The following TBC1D9B variants were observed in gnomAD, a reference collection of about 807,000 sequenced individuals.
The protein encoded by TBC1D9B is TBC1 domain family member 9B.
TBC1D9B carries 87 observed loss-of-function variants against 121.1 expected under a neutral mutation model. The ratio of observed to expected loss-of-function variants is 0.72; its 90% CI spans 0.60 to 0.86. The LOEUF is 0.86. Among genes scored for constraint, TBC1D9B ranks in the 40% least tolerant of loss-of-function variants. The pLI, the probability that TBC1D9B is intolerant of heterozygous loss-of-function variation, is 0.00. For missense variants in TBC1D9B, 1,540 were observed against 1,628.6 expected (o/e 0.95, Z 0.94); for synonymous variants, 668 against 670.1 (o/e 1.00, Z 0.05).
rs1346076700 is a variant in TBC1D9B, at chr5:179,867,783, G to A, written c.2858C>T (p.Ser953Leu). ...AAHYFTEDSS[S>L]EEALPQEEQE... ...GTGTTCCAGTGGCCGCTCACCTTCT[G>A]AGGAGCTGTCCTCTGTGAAATAATG... Residue 953 changes from serine to leucine, a missense_variant, in exon 18 of 21, where the codon TCA becomes TTA. Transcript: ENST00000355235. 2 of 1,574,712 alleles carry A rather than the reference G, an allele frequency of 1.3e-6. No individual in the cohort carries two copies.
chr5:179,893,421 G>A lies in TBC1D9B; in HGVS notation c.624C>T (p.Asn208=), dbSNP rs1561646052. 6.8e-6 allele frequency: 11 copies of A among 1,613,728 alleles called. No individual in the cohort carries two copies. The highest frequency in any genetic ancestry group is 2.2e-5 in the East Asian group (1 of 44,870). Residue 208 remains asparagine (N), a synonymous_variant, in exon 5 of 21, where the codon AAC becomes AAT. Transcript: ENST00000355235. ...QWVDITRLEK[N]ATLLFPESIR... ...TGCTCTCGGGGAAGAGCAGGGTGGC[G>A]TTCTTCTCCAGACGCGTTATGTCCA...
Position 179,865,728 on chromosome 5 carries a change from G to T in TBC1D9B, c.2914+110C>A, listed in dbSNP as rs1021774627. 3.2e-6 allele frequency: 4 copies of T among 1,245,318 alleles called. No homozygotes were observed. Among genetic ancestry groups the T allele is most frequent in the African/African-American group, 1.5e-5 (1 of 66,352 alleles). The allele number at this position is 1,245,318 out of a possible 1,614,324, so 77.1% of individuals were successfully genotyped here. On this transcript the variant is annotated intron_variant, in intron 19 of 20. Transcript: ENST00000355235. This position sits in a 1 kb window ranked among gnomAD's most constrained non-coding sequence, Gnocchi z 5.1. ...TGCTCCCTGATCGGGGGACGCATCC[G>T]CCATCTCCCGGGGTAGGGGGCTCCC...
rs1178332277 is a variant in TBC1D9B, at chr5:179,876,034, T to C, written c.1786A>G (p.Met596Val). 1.2e-6 allele frequency: 2 copies of C among 1,612,188 alleles called. No homozygotes were observed. Among genetic ancestry groups the C allele is most frequent in the East Asian group, 2.2e-5 (1 of 44,772 alleles). Residue 596 changes from methionine to valine, a missense_variant, in exon 11 of 21, where the codon ATG becomes GTG. Physicochemically the swap from Met to Val is conservative, Grantham distance 21. Coordinates refer to ENST00000355235, the MANE Select transcript of TBC1D9B (RefSeq NM_015043.4). ...AGGAGCACCGAGGTCACGATGTTCATTGCCTGCCGGGCACAGAGACAGCCG... is the reference window on the plus strand; with the variant it reads ...AGGAGCACCGAGGTCACGATGTTCACTGCCTGCCGGGCACAGAGACAGCCG... ...RNPTIGYCQA[M>V]NIVTSVLLLY...
chr5:179,905,718 C>T (rs1035935180), intron 1 of TBC1D9B, among the ~76,000 whole-genome samples: 3 of 152,196 alleles, frequency 2.0e-5, no homozygotes, highest in Non-Finnish European at 4.4e-5. Flanking sequence ...ATTGAATTAT[C>T]GAGCAATCTA....
chr5:179,866,889 GGT>G (rs1760028392), intron 18 of TBC1D9B: 1 of 153,840 alleles, frequency 6.5e-6, no homozygotes, highest in Non-Finnish European at 1.4e-5. Flanking sequence ...GTGGCATTAT[GGT>G]CGGTTTTGCA....
At position 179,907,665 on chromosome 5, in the gene TBC1D9B, C is replaced by G; in HGVS notation, c.118+39G>C. 7 of 964,142 alleles carry G rather than the reference C, an allele frequency of 7.3e-6. No homozygotes were observed. Among genetic ancestry groups the G allele is most frequent in the Non-Finnish European group, 7.4e-6 (6 of 810,844 alleles). The allele number at this position is 964,142 out of a possible 1,614,324, so 59.7% of individuals were successfully genotyped here. Reference sequence around the variant, plus strand: ...CCGCCAGCCCCGCCGCCAGCCCAGCCGCGGCGCCCACAGGCCCGGCCGCCC... The same window carrying G: ...CCGCCAGCCCCGCCGCCAGCCCAGCGGCGGCGCCCACAGGCCCGGCCGCCC... On this transcript the variant is annotated intron_variant, in intron 1 of 20. Coordinates refer to ENST00000355235, the MANE Select transcript of TBC1D9B (RefSeq NM_015043.4). The surrounding 1 kb of genome is among the most constrained non-coding windows in gnomAD (Gnocchi z 5.3).
chr5:179,870,387 G>A lies in TBC1D9B; in HGVS notation c.2593C>T (p.Arg865Trp), dbSNP rs775027882. 1.8e-5 allele frequency: 29 copies of A among 1,613,770 alleles called. No individual in the cohort carries two copies. The highest frequency in any genetic ancestry group is 1.6e-4 in the Middle Eastern group (1 of 6,062). The change falls in exon 16 of 21, where the codon CGG becomes TGG. Residue 865 changes from arginine to tryptophan, a missense_variant. Arg to Trp is a moderately radical substitution (Grantham distance 101). Transcript: ENST00000355235. ...EQYRIDASQFRELFASLTPWA... is the reference protein window; with the variant it reads ...EQYRIDASQFWELFASLTPWA... ...GGTGTCAGGCTGGCAAAGAGTTCCC[G>A]GAACTGGCTGGCATCAATCCGGTAC...
chr5:179,904,845 G>A lies in TBC1D9B; in HGVS notation c.119-33C>T, dbSNP rs1428446158. The A allele has an allele frequency of 2.0e-6, 3 of 1,511,508 alleles. No individual in the cohort carries two copies. Among genetic ancestry groups the A allele is most frequent in the Admixed American group, 4.2e-5 (2 of 47,978 alleles). The allele number at this position is 1,511,508 out of a possible 1,614,324, so 93.6% of individuals were successfully genotyped here. On this transcript the variant is annotated intron_variant, in intron 1 of 20. Transcript: ENST00000355235. This position sits in a 1 kb window ranked among gnomAD's most constrained non-coding sequence, Gnocchi z 4.2. ...CAGGGCAGAGAGACATAGAGGGTGA[G>A]GGGAGGGCCGGACTGAGGCCCCTGA...
chr5:179,879,379 G>A, intron 8 of TBC1D9B, 182 bp from the exon 9 acceptor site: 13 of 1,091,316 alleles, frequency 1.2e-5, no homozygotes, highest in Non-Finnish European at 1.7e-5. Flanking sequence ...CAGGAGACCA[G>A]CTCCTCAGCG....
intron 9 of TBC1D9B, 66 bp downstream of exon 9, chr5:179,878,981 T>A: frequency 6.4e-7 from 1 of 1,561,768 alleles, no homozygotes; most frequent in South Asian, 1.2e-5. Context: ...ACAGACGAGC[T>A]CACACGGGGA....
At position 179,907,888 on chromosome 5, in the gene TBC1D9B, A is replaced by G. The variant is rs1198275423; in HGVS notation, c.-67T>C. ...GCGCCCGCCGCCGTCGGCGTCCCGG[A>G]GCGGAGCGTGCGGAGCGGAGCGTGC... On this transcript the variant is annotated 5_prime_UTR_variant, in exon 1 of 21. Coordinates refer to ENST00000355235, the MANE Select transcript of TBC1D9B (RefSeq NM_015043.4). The surrounding 1 kb of genome is among the most constrained non-coding windows in gnomAD (Gnocchi z 5.3). 7 of 914,118 alleles carry G rather than the reference A, an allele frequency of 7.7e-6. No individual in the cohort carries two copies. The highest frequency in any genetic ancestry group is 4.2e-5 in the South Asian group (1 of 23,908). The allele number at this position is 914,118 out of a possible 1,614,324, so 56.6% of individuals were successfully genotyped here. A position where few individuals can be genotyped will look rare whatever the true frequency, so the allele number is the denominator to read the frequency against.
rs1487223957 is a variant in TBC1D9B, at chr5:179,907,844, C to T, written c.-23G>A. On this transcript the variant is annotated 5_prime_UTR_variant, in exon 1 of 21. Coordinates refer to ENST00000355235, the MANE Select transcript of TBC1D9B (RefSeq NM_015043.4). This position sits in a 1 kb window ranked among gnomAD's most constrained non-coding sequence, Gnocchi z 5.3. The stretch of plus-strand genomic sequence containing the variant: ...CATCGCGGAGCCGCTCGCACCGGGC[C>T]GAGGCCCGCGAGACGGAAGCGCCCG... The T allele has an allele frequency of 9.3e-7, 1 of 1,070,438 alleles. No homozygotes were observed. 66.3% of individuals were successfully genotyped at this position (1,070,438 alleles called of 1,614,324 possible).
In TBC1D9B at chr5:179,863,632, C is replaced by T; in HGVS notation, c.3518G>A (p.Gly1173Asp). 6.2e-7 allele frequency: 1 copy of T among 1,613,848 alleles called. No homozygotes were observed. ...GATGCACCAGTCGGTGTCGACGGTGCCGCCGATGCGCGCTGTGGGGCTGCA... is the reference window on the plus strand; with the variant it reads ...GATGCACCAGTCGGTGTCGACGGTGTCGCCGATGCGCGCTGTGGGGCTGCA... The part of the protein sequence containing the change: ...EACSPTARIG[G>D]TVDTDWCISF... Residue 1173 changes from glycine (G) to aspartate (D), a missense_variant, in exon 21 of 21, where the codon GGC becomes GAC. Coordinates refer to ENST00000355235, the MANE Select transcript of TBC1D9B (RefSeq NM_015043.4). This position sits in a 1 kb window ranked among gnomAD's most constrained non-coding sequence, Gnocchi z 4.5.
In TBC1D9B at chr5:179,891,096, C is replaced by T. The variant is rs901923775; in HGVS notation, c.1044+283G>A. ...AGAAGGCAGGCCTGATGGAAACTCA[C>T]GCGTGGGAGACCCTGTCTCCACTAG... is the stretch of plus-strand genomic sequence containing the variant. On this transcript the variant is annotated intron_variant, in intron 6 of 20. Transcript: ENST00000355235. The surrounding 1 kb of genome is among the most constrained non-coding windows in gnomAD (Gnocchi z 4.3). 2.6e-5 allele frequency among the ~76,000 whole-genome samples: 4 copies of T among 152,220 alleles called. No homozygotes were observed. Among genetic ancestry groups the T allele is most frequent in the African/African-American group, 9.6e-5 (4 of 41,454 alleles).
chr5:179,895,610 C>A (rs899627014), intron 3 of TBC1D9B, among the ~76,000 whole-genome samples: 1 of 152,206 alleles, frequency 6.6e-6, no homozygotes, highest in African/African-American at 2.4e-5. Flanking sequence ...AGAGCCAGCC[C>A]CAAGCCTCCT....
Position 179,875,875 on chromosome 5 carries a change from C to T in TBC1D9B, c.1900+45G>A. 9 of 1,492,444 alleles carry T rather than the reference C, an allele frequency of 6.0e-6. No homozygotes were observed. Among genetic ancestry groups the T allele is most frequent in the Non-Finnish European group, 7.2e-6 (8 of 1,105,488 alleles). The allele number at this position is 1,492,444 out of a possible 1,614,324, so 92.5% of individuals were successfully genotyped here. ...AGGGCTGCCACCCTCATGGAACCAG[C>T]AGGCACCTGGAGACCCAGGCGAGGC... On this transcript the variant is annotated intron_variant, in intron 11 of 20. Transcript: ENST00000355235. The surrounding 1 kb of genome is among the most constrained non-coding windows in gnomAD (Gnocchi z 4.5).
Position 179,869,944 on chromosome 5 carries a change from G to A in TBC1D9B, c.2726-110C>T, listed in dbSNP as rs1367579716. The A allele has an allele frequency of 3.5e-6, 4 of 1,136,308 alleles. No homozygotes were observed. The African/African-American group carries it at 4.7e-5, about 13-fold the overall frequency. 70.4% of individuals were successfully genotyped at this position (1,136,308 alleles called of 1,614,324 possible). A position where few individuals can be genotyped will look rare whatever the true frequency, so the allele number is the denominator to read the frequency against. ...GCCTGTGCTGCCCAACTCCCTCCTG[G>A]AGAGGTCACAGGGTGAGTCCCAGAT... On this transcript the variant is annotated intron_variant, in intron 16 of 20. Coordinates refer to ENST00000355235, the MANE Select transcript of TBC1D9B (RefSeq NM_015043.4).
At chr5:179,870,583 C>T in intron 15 of TBC1D9B, 88 bp from the exon 16 acceptor site, 3 of 1,486,152 alleles carry the variant, frequency 2.0e-6, no homozygotes, top group Admixed American at 2.1e-5. Flanking sequence ...CACCCTCCCC[C>T]TCTGTCCAAG....
At position 179,902,382 on chromosome 5, in the gene TBC1D9B, C is replaced by A. The variant is rs150320341; in HGVS notation, c.229+2320G>T. Among the ~76,000 whole-genome samples the A allele has an allele frequency of 2.2e-4, 34 of 152,234 alleles. No homozygotes were observed. Among genetic ancestry groups the A allele is most frequent in the African/African-American group, 5.8e-4 (24 of 41,538 alleles). On this transcript the variant is annotated intron_variant, in intron 2 of 20. Transcript: ENST00000355235. The surrounding 1 kb of genome is among the most constrained non-coding windows in gnomAD (Gnocchi z 4.9). ...GGAGGCAGGCAGACCCCCAGGTGTC[C>A]TCGAACACCAGGCTCAAGGGTCAGG... is the stretch of plus-strand genomic sequence containing the variant.
Sources: allele counts gnomAD v4.1 joint callset (sites outside exome capture counted in the v4.1 genomes callset), GRCh38; gene constraint gnomAD v4.1.1; non-coding constraint Gnocchi (gnomAD v3.1); transcripts MANE v1.5; gene names NCBI Gene and HGNC (gene_info 2026-07-23, HGNC 2026-07-21).